SH3KBP1: variants seen among roughly 807,000 people sequenced by gnomAD.
The protein encoded by SH3KBP1 is SH3 domain containing kinase binding protein 1.
In SH3KBP1, 8 loss-of-function variants were observed where a neutral mutation model predicts 50.1. The observed-to-expected ratio is 0.16, with a 90% CI of 0.09 to 0.29. The LOEUF (loss-of-function observed/expected upper bound fraction) is 0.29. Ranked by LOEUF, SH3KBP1 falls within the 10% of genes least tolerant of loss-of-function variation. The pLI is 1.00. For synonymous variants in SH3KBP1, 227 were observed against 218.6 expected (o/e 1.04, Z -0.34); for missense variants, 377 against 535.2 (o/e 0.70, Z 2.92).
intron 12 of SH3KBP1, among the ~76,000 whole-genome samples, chrX:19,584,880 A>T (rs1398319514): frequency 9.0e-6 from 1 of 111,715 alleles, no homozygotes; most frequent in Non-Finnish European, 1.9e-5. Context: ...CTACATGTCC[A>T]TGCATGCAAT....
chrX:19,813,160 A>AAAGAAGAAGAAGAAGAAG (rs370190945), intron 2 of SH3KBP1, among the ~76,000 whole-genome samples: 220 of 104,572 alleles, frequency 2.1e-3, no homozygotes, highest in African/African-American at 7.9e-3. Context: ...AAACAAAAAA[A>AAAGAAGAAGAAGAAGAAG]AAGAAGAAGA....
At chrX:19,799,745 C>T (rs777091449) in intron 2 of SH3KBP1, 90 of 1,195,741 alleles carry the variant, frequency 7.5e-5, no homozygotes, top group East Asian at 1.8e-4. Context: ...GAATAAGTTC[C>T]GTGCTCTCCG....
intron 11 of SH3KBP1, 65 bp from the exon 12 acceptor site, chrX:19,588,867 C>A: frequency 1.1e-6 from 1 of 874,656 alleles, no homozygotes; most frequent in Non-Finnish European, 1.5e-6. Flanking sequence ...AGATGCAGAT[C>A]ACTCATTTCC....
At chrX:19,839,299 T>C (rs1282078344) in intron 1 of SH3KBP1, among the ~76,000 whole-genome samples, 1 of 107,233 alleles carries the variant, frequency 9.3e-6, no homozygotes, top group Non-Finnish European at 1.9e-5. Flanking sequence ...ATGTACACAA[T>C]CTATACATAA....
chrX:19,547,416 CA>C (rs1404058945), intron 14 of SH3KBP1, among the ~76,000 whole-genome samples: 1 of 111,588 alleles, frequency 9.0e-6, no homozygotes, highest in African/African-American at 3.3e-5. Context: ...AAATTATACC[CA>C]AAAATATCGT....
At chrX:19,706,829 T>C (rs1459136994) in intron 4 of SH3KBP1, 52 bp downstream of exon 4, 2 of 986,296 alleles carry the variant, frequency 2.0e-6, no homozygotes, top group Non-Finnish European at 2.9e-6. Flanking sequence ...GGGTAAGCAG[T>C]GACTATGACA....
chrX:19,580,807 G>A (rs2066348561), intron 12 of SH3KBP1, among the ~76,000 whole-genome samples: 1 of 110,856 alleles, frequency 9.0e-6, no homozygotes, highest in African/African-American at 3.3e-5. Context: ...CCTCCACCCT[G>A]TACGCAGTGA....
chrX:19,677,177 C>G (rs1371125496), intron 6 of SH3KBP1, among the ~76,000 whole-genome samples: 2 of 111,896 alleles, frequency 1.8e-5, no homozygotes, highest in African/African-American at 3.3e-5. Flanking sequence ...AGGTTAGGTC[C>G]TGAGACTCAC....
At chrX:19,550,333 T>C (rs2065203761) in intron 13 of SH3KBP1, among the ~76,000 whole-genome samples, 1 of 111,811 alleles carries the variant, frequency 8.9e-6, no homozygotes, top group Non-Finnish European at 1.9e-5. Context: ...TTTTCCCTTC[T>C]ACAGCTATAT....
At chrX:19,633,379 C>T (rs1439186394) in intron 7 of SH3KBP1, among the ~76,000 whole-genome samples, 1 of 112,018 alleles carries the variant, frequency 8.9e-6, no homozygotes, top group East Asian at 2.8e-4. Flanking sequence ...TTCTAAATTC[C>T]ATCAATACCA....
intron 5 of SH3KBP1, 33 bp from the exon 6 acceptor site, chrX:19,684,061 T>A (rs757337018): frequency 1.8e-6 from 2 of 1,124,286 alleles, no homozygotes; most frequent in South Asian, 3.6e-5. Context: ...GAGAAAGAGC[T>A]CAGAAATCAG....
intron 2 of SH3KBP1, among the ~76,000 whole-genome samples, chrX:19,786,059 G>T (rs1343749137): frequency 8.9e-6 from 1 of 112,024 alleles, no homozygotes; most frequent in Non-Finnish European, 1.9e-5. Context: ...AAATGACTAA[G>T]ATGGTACATT....
At chrX:19,827,130 C>T (rs931185538) in intron 2 of SH3KBP1, among the ~76,000 whole-genome samples, 3 of 111,800 alleles carry the variant, frequency 2.7e-5, no homozygotes, top group African/African-American at 9.8e-5. Context: ...AGATCTAAAA[C>T]ACCTAGCAAA....
intron 1 of SH3KBP1, among the ~76,000 whole-genome samples, chrX:19,872,475 A>G (rs1957056771): frequency 9.1e-6 from 1 of 109,777 alleles, no homozygotes; most frequent in Non-Finnish European, 1.9e-5. Context: ...AGTTGCTTTT[A>G]GAAGTATCAG....
chrX:19,705,412 C>A (rs2063632407), intron 4 of SH3KBP1, among the ~76,000 whole-genome samples: 1 of 111,791 alleles, frequency 8.9e-6, no homozygotes, highest in Admixed American at 9.5e-5. Context: ...TCTGGAATTT[C>A]TTTCCATGGT....
chrX:19,571,501 C>T (rs757316720), intron 12 of SH3KBP1, among the ~76,000 whole-genome samples: 59 of 112,133 alleles, frequency 5.3e-4, no homozygotes, highest in Non-Finnish European at 1.1e-3. Context: ...GTCAGGGCCC[C>T]AGCACCCACT....
chrX:19,657,713 C>G (rs887247508), intron 6 of SH3KBP1, among the ~76,000 whole-genome samples: 1 of 108,497 alleles, frequency 9.2e-6, no homozygotes, highest in African/African-American at 3.4e-5. Context: ...GGCAACAGAG[C>G]GAGACTCCAT....
intron 2 of SH3KBP1, among the ~76,000 whole-genome samples, chrX:19,824,189 T>C (rs996126763): frequency 8.9e-6 from 1 of 112,343 alleles, no homozygotes; most frequent in African/African-American, 3.2e-5. Flanking sequence ...TGTGTATTTG[T>C]AGTAAACTTT....
chrX:19,626,011 C>T (rs1434706994), intron 8 of SH3KBP1, among the ~76,000 whole-genome samples: 2 of 111,528 alleles, frequency 1.8e-5, no homozygotes, highest in Non-Finnish European at 3.8e-5. Context: ...ACCTAATTCC[C>T]GGGGTTGCTG....
Sources: allele counts gnomAD v4.1 joint callset (sites outside exome capture counted in the v4.1 genomes callset), GRCh38; gene constraint gnomAD v4.1.1; transcripts MANE v1.5; gene names NCBI Gene and HGNC (gene_info 2026-07-23, HGNC 2026-07-21).